Variants in CANT1 observed in about 807,000 individuals in gnomAD.
CANT1 encodes soluble calcium-activated nucleotidase 1.
In CANT1, 26 loss-of-function variants were observed where a neutral mutation model predicts 30.0. The observed-to-expected ratio is 0.87, with a 90% CI of 0.64 to 1.20. The LOEUF is 1.20. Among genes scored for constraint, CANT1 ranks in the 50% most tolerant of loss-of-function variants. The pLI is 0.00. For synonymous variants in CANT1, 246 were observed against 251.8 expected (o/e 0.98, Z 0.22); for missense variants, 518 against 563.0 (o/e 0.92, Z 0.81).
intron 1 of CANT1, chr17:79,006,146 G>GGCACC (rs1243666770): frequency 6.6e-6 from 1 of 152,328 alleles, no homozygotes; most frequent in East Asian, 1.9e-4. Context: ...GCAGGCAGCA[G>GGCACC]GCACCGTCCT....
chr17:78,994,232 G>A (rs1450091276), intron 4 of CANT1, among the ~76,000 whole-genome samples: 10 of 152,166 alleles, frequency 6.6e-5, no homozygotes, highest in African/African-American at 1.2e-4. Context: ...CAAGGAAAGG[G>A]AACAAACCCC....
rs966594441 is a variant in CANT1, at chr17:78,997,243, C to T, written c.380G>A (p.Ser127Asn). 6 of 1,614,110 alleles carry T rather than the reference C, an allele frequency of 3.7e-6. No individual in the cohort carries two copies. Among genetic ancestry groups the T allele is most frequent in the African/African-American group, 1.3e-5 (1 of 74,952 alleles). ...GGTCAGGTAGCCCTTTTTCAGGTAA[C>T]TGAACCAGGTGTTTTCCTCTTGGGC... is the stretch of plus-strand genomic sequence containing the variant. Reference protein sequence around the residue: ...SRAQEENTWFSYLKKGYLTLS... With the variant: ...SRAQEENTWFNYLKKGYLTLS... Residue 127 changes from serine to asparagine, a missense_variant, in exon 3 of 5, where the codon AGT becomes AAT. Coordinates refer to ENST00000392446, the MANE Select transcript of CANT1 (RefSeq NM_001159773.2). The surrounding 1 kb of genome is among the most constrained non-coding windows in gnomAD (Gnocchi z 7.5).
intron 4 of CANT1, among the ~76,000 whole-genome samples, chr17:78,994,247 G>T (rs1346603891): frequency 6.6e-6 from 1 of 152,190 alleles, no homozygotes; most frequent in Non-Finnish European, 1.5e-5. Context: ...AACCCCCATT[G>T]GATGTGGGGA....
Position 79,008,281 on chromosome 17 carries a change from C to T in CANT1, c.-147+1383G>A, listed in dbSNP as rs2145861597. ...TCCTGCTGAGAGGCCTGCGGTGGGG[C>T]TGCAGGGAGGGTCTGTGGTCCAGGC... On this transcript the variant is annotated intron_variant, in intron 1 of 4. Transcript: ENST00000392446. This position sits in a 1 kb window ranked among gnomAD's most constrained non-coding sequence, Gnocchi z 4.4. The T allele has an allele frequency of 6.6e-6, 1 of 152,508 alleles. No individual in the cohort carries two copies. Among genetic ancestry groups the T allele is most frequent in the South Asian group, 2.1e-4 (1 of 4,836 alleles). 9.4% of individuals were successfully genotyped at this position (152,508 alleles called of 1,614,324 possible).
In CANT1 at chr17:78,992,280, GC is replaced by G. The variant is rs2070866535; in HGVS notation, c.*1269del. On this transcript the variant is annotated 3_prime_UTR_variant, in exon 5 of 5. Transcript: ENST00000392446. ...GGACAGCCAGAGCCGGCACCCTCCG[GC>G]CCACCGTGGCACCCCTGACGATCGC... The G allele has an allele frequency of 4.3e-6, 1 of 235,112 alleles. No homozygotes were observed. The highest frequency in any genetic ancestry group is 8.4e-6 in the Non-Finnish European group (1 of 119,034). 14.6% of individuals were successfully genotyped at this position (235,112 alleles called of 1,614,324 possible). A position where few individuals can be genotyped will look rare whatever the true frequency, so the allele number is the denominator to read the frequency against.
rs201181440 is a variant in CANT1, at chr17:78,997,110, A to C, written c.513T>G (p.Ile171Met). ...CGGAGTAGAGTTTCCCATTGAAAAC[A>C]ATCAGGTCGGATAGCTCCATGCCTC... is the stretch of plus-strand genomic sequence containing the variant. ...KGRGMELSDL[I>M]VFNGKLYSVD... Residue 171 changes from isoleucine to methionine, a missense_variant, in exon 3 of 5, where the codon ATT becomes ATG. Around this residue, in one of 3 missense-constraint regions of CANT1, gnomAD observed 249 missense variants for 268.8 expected, o/e 0.93. Coordinates refer to ENST00000392446, the MANE Select transcript of CANT1 (RefSeq NM_001159773.2). The surrounding 1 kb of genome is among the most constrained non-coding windows in gnomAD (Gnocchi z 7.5). The C allele has an allele frequency of 3.6e-4, 588 of 1,614,164 alleles. No homozygotes were observed. The highest frequency in any genetic ancestry group is 4.7e-4 in the Non-Finnish European group (559 of 1,180,040).
At position 79,008,881 on chromosome 17, in the gene CANT1, A is replaced by G. The variant is rs893101204; in HGVS notation, c.-147+783T>C. ...GAGAGTGAGCTGTGTGCCTGGAGGA[A>G]GGCTCCAAATTGGATGAGGGCAGGG... On this transcript the variant is annotated intron_variant, in intron 1 of 4. Coordinates refer to ENST00000392446, the MANE Select transcript of CANT1 (RefSeq NM_001159773.2). This position sits in a 1 kb window ranked among gnomAD's most constrained non-coding sequence, Gnocchi z 4.4. Among the ~76,000 whole-genome samples the G allele has an allele frequency of 2.0e-5, 3 of 152,178 alleles. No individual in the cohort carries two copies. Among genetic ancestry groups the G allele is most frequent in the African/African-American group, 4.8e-5 (2 of 41,434 alleles).
rs574096862 is a variant in CANT1 at position 78,993,957 on chromosome 17, G to A, written c.836-37C>T. ...GTGACCGCGGGTCAGACACGCATGC[G>A]GCCTGGTGTGCCCAGCCCCACACCA... On this transcript the variant is annotated intron_variant, in intron 4 of 4. Transcript: ENST00000392446. The surrounding 1 kb of genome is among the most constrained non-coding windows in gnomAD (Gnocchi z 4.5). The A allele has an allele frequency of 1.9e-6, 3 of 1,539,122 alleles. No individual in the cohort carries two copies. The highest frequency in any genetic ancestry group is 2.4e-5 in the South Asian group (2 of 83,804).
At position 78,993,764 on chromosome 17, in the gene CANT1, G is replaced by A. The variant is rs376495608; in HGVS notation, c.992C>T (p.Ala331Val). Residue 331 changes from alanine to valine, a missense_variant, in exon 5 of 5, where the codon GCT becomes GTT. By Grantham distance (64) the Ala-to-Val change is moderately conservative. Around this residue, in one of 3 missense-constraint regions of CANT1, gnomAD observed 221 missense variants for 211.8 expected, o/e 1.04. Coordinates refer to ENST00000392446, the MANE Select transcript of CANT1 (RefSeq NM_001159773.2). The surrounding 1 kb of genome is among the most constrained non-coding windows in gnomAD (Gnocchi z 4.5). ...GACCACCGCCCCGACGTGGCTCACA[G>A]CGATGTCGCCGAAGTCAGGGGAGGC... is the stretch of plus-strand genomic sequence containing the variant. ...LSASPDFGDIAVSHVGAVVPT... is the reference protein window; with the variant it reads ...LSASPDFGDIVVSHVGAVVPT... 1.1e-5 allele frequency: 17 copies of A among 1,613,338 alleles called. No homozygotes were observed. In the Middle Eastern group the frequency reaches 6.6e-4, roughly 62 times the overall value.
chr17:79,009,699 G>GGGGCTTGGCTGGGCTTGGCT lies in CANT1; in HGVS notation c.-202_-183dup, dbSNP rs1168938737. On this transcript the variant is annotated 5_prime_UTR_variant, in exon 1 of 5. Coordinates refer to ENST00000392446, the MANE Select transcript of CANT1 (RefSeq NM_001159773.2). Reference sequence around the variant, plus strand: ...GCTGGCTCCGGTGCCCGCGATCGGCGGGGCTTGGCTGGGCTTGGCTGGGCT... The same window carrying GGGGCTTGGCTGGGCTTGGCT: ...GCTGGCTCCGGTGCCCGCGATCGGCGGGGCTTGGCTGGGCTTGGCTGGGCTTGGCTGGGCTTGGCTGGGCT... 1 of 151,700 alleles carries GGGGCTTGGCTGGGCTTGGCT rather than the reference G, an allele frequency of 6.6e-6. No homozygotes were observed. Among genetic ancestry groups the GGGGCTTGGCTGGGCTTGGCT allele is most frequent in the South Asian group, 2.0e-4 (1 of 5,046 alleles). 9.4% of individuals were successfully genotyped at this position (151,700 alleles called of 1,614,324 possible).
In CANT1 at chr17:78,995,382, C is replaced by A; in HGVS notation, c.632-161G>T. 1.4e-6 allele frequency: 1 copy of A among 733,066 alleles called. No homozygotes were observed. The highest frequency in any genetic ancestry group is 2.3e-6 in the Non-Finnish European group (1 of 436,780). 45.4% of individuals were successfully genotyped at this position (733,066 alleles called of 1,614,324 possible). On this transcript the variant is annotated intron_variant, in intron 3 of 4. Coordinates refer to ENST00000392446, the MANE Select transcript of CANT1 (RefSeq NM_001159773.2). This position sits in a 1 kb window ranked among gnomAD's most constrained non-coding sequence, Gnocchi z 5.7. ...GCCCGCACCTGGCTCCCGCCCAGGGCCGGCCGGCTGCCCTCCCCTCAGCTC... is the reference window on the plus strand; with the variant it reads ...GCCCGCACCTGGCTCCCGCCCAGGGACGGCCGGCTGCCCTCCCCTCAGCTC...
In CANT1 at chr17:78,995,941, G is replaced by A. The variant is rs1166302955; in HGVS notation, c.632-720C>T. 1.3e-5 allele frequency among the ~76,000 whole-genome samples: 2 copies of A among 152,076 alleles called. No individual in the cohort carries two copies. Among genetic ancestry groups the A allele is most frequent in the Admixed American group, 6.5e-5 (1 of 15,274 alleles). ...CGGTCTCCTGGTCTGCTTGTGCGATGAGACATTCTCCATGCCAGGGTCTTC... is the reference window on the plus strand; with the variant it reads ...CGGTCTCCTGGTCTGCTTGTGCGATAAGACATTCTCCATGCCAGGGTCTTC... On this transcript the variant is annotated intron_variant, in intron 3 of 4. Transcript: ENST00000392446. This position sits in a 1 kb window ranked among gnomAD's most constrained non-coding sequence, Gnocchi z 5.7.
chr17:78,996,421 T>C lies in CANT1; in HGVS notation c.631+571A>G, dbSNP rs533601133. On this transcript the variant is annotated intron_variant, in intron 3 of 4. Coordinates refer to ENST00000392446, the MANE Select transcript of CANT1 (RefSeq NM_001159773.2). The surrounding 1 kb of genome is among the most constrained non-coding windows in gnomAD (Gnocchi z 5.1). ...GCCTCCCCAAAGCCTGTCCCTGCCC[T>C]GTGGAAGCAGCACCTCCTTTCTGGT... Among the ~76,000 whole-genome samples the C allele has an allele frequency of 3.9e-5, 6 of 152,302 alleles. No individual in the cohort carries two copies. The South Asian group carries it at 1.2e-3, about 32-fold the overall frequency.
chr17:79,009,722 G>C lies in CANT1; in HGVS notation c.-205C>G, dbSNP rs924536082. 6.6e-6 allele frequency: 1 copy of C among 151,604 alleles called. No homozygotes were observed. Among genetic ancestry groups the C allele is most frequent in the Admixed American group, 6.6e-5 (1 of 15,222 alleles). The allele number at this position is 151,604 out of a possible 1,614,324, so 9.4% of individuals were successfully genotyped here. A position where few individuals can be genotyped will look rare whatever the true frequency, so the allele number is the denominator to read the frequency against. The stretch of plus-strand genomic sequence containing the variant: ...GCGGGGCTTGGCTGGGCTTGGCTGG[G>C]CTTGGCTGGGCTAACGGCCGGGACG... On this transcript the variant is annotated 5_prime_UTR_variant, in exon 1 of 5. Transcript: ENST00000392446.
In CANT1 at chr17:78,992,784, A is replaced by G. The variant is rs568713032; in HGVS notation, c.*766T>C. 3 of 556,714 alleles carry G rather than the reference A, an allele frequency of 5.4e-6. No individual in the cohort carries two copies. Among genetic ancestry groups the G allele is most frequent in the South Asian group, 4.5e-5 (3 of 67,094 alleles). 34.5% of individuals were successfully genotyped at this position (556,714 alleles called of 1,614,324 possible). On this transcript the variant is annotated 3_prime_UTR_variant, in exon 5 of 5. Coordinates refer to ENST00000392446, the MANE Select transcript of CANT1 (RefSeq NM_001159773.2). ...CTGCTGGAGCGGGCTGGGTAACTAC[A>G]GGACTGTGCTCTGTGTGATAAGATT...
intron 1 of CANT1, among the ~76,000 whole-genome samples, chr17:79,001,716 G>A (rs2071269382): frequency 2.0e-5 from 3 of 152,056 alleles, no homozygotes. Context: ...CTCGAGGCAG[G>A]GGGGCACTCT....
chr17:79,000,918 T>C (rs1189962828), intron 1 of CANT1, among the ~76,000 whole-genome samples: 1 of 152,196 alleles, frequency 6.6e-6, no homozygotes, highest in Non-Finnish European at 1.5e-5. Flanking sequence ...CCTGACGCAC[T>C]GCCAGGCAGG....
rs1164113428 is a variant in CANT1 at position 78,995,683 on chromosome 17, CT to C, written c.632-463del. On this transcript the variant is annotated intron_variant, in intron 3 of 4. Transcript: ENST00000392446. This position sits in a 1 kb window ranked among gnomAD's most constrained non-coding sequence, Gnocchi z 5.7. ...TGGATTTGTTCAGAAGCTGTTTTTG[CT>C]TTTTTTAAACTGATTTATTTAAAAT... 1.3e-5 allele frequency among the ~76,000 whole-genome samples: 2 copies of C among 152,162 alleles called. No homozygotes were observed. The highest frequency in any genetic ancestry group is 4.8e-5 in the African/African-American group (2 of 41,426).
rs555923347 is a variant in CANT1, at chr17:79,002,682, G to A, written c.-146-4719C>T. Among the ~76,000 whole-genome samples, 5 of 152,300 alleles carry A rather than the reference G, an allele frequency of 3.3e-5. No individual in the cohort carries two copies. Among genetic ancestry groups the A allele is most frequent in the South Asian group, 2.1e-4 (1 of 4,818 alleles). ...TGAAAATACTGACTCCCTGTCCCTC[G>A]ACAGATCCCTGGTCAAGACCATCTC... On this transcript the variant is annotated intron_variant, in intron 1 of 4. Transcript: ENST00000392446. The surrounding 1 kb of genome is among the most constrained non-coding windows in gnomAD (Gnocchi z 4.0).
Sources: gnomAD v4.1 joint callset for allele counts (sites outside exome capture counted in the v4.1 genomes callset) on GRCh38, gnomAD v4.1.1 for gene constraint, gnomAD v4.1.1 regional missense constraint, Gnocchi (gnomAD v3.1) non-coding constraint, MANE v1.5 for transcripts, NCBI Gene and HGNC (gene_info 2026-07-23, HGNC 2026-07-21) for gene names.